The following NKAIN2 variants were observed in gnomAD, a reference collection of about 807,000 sequenced individuals.
NKAIN2 encodes sodium/potassium transporting ATPase interacting 2.
Under a neutral mutation model 32.6 loss-of-function variants are expected in NKAIN2, and 14 were observed. The ratio of observed to expected loss-of-function variants is 0.43; its 90% CI spans 0.28 to 0.67. The LOEUF (loss-of-function observed/expected upper bound fraction) is 0.67, where lower values mean the gene tolerates loss of function less well. Among genes scored for constraint, NKAIN2 ranks in the 30% least tolerant of loss-of-function variants. The pLI, the probability that NKAIN2 is intolerant of heterozygous loss-of-function variation, is 0.17. For missense variants in NKAIN2, 198 were observed against 258.3 expected (o/e 0.77, Z 1.60); for synonymous variants, 80 against 87.2 (o/e 0.92, Z 0.46).
intron 1 of NKAIN2, among the ~76,000 whole-genome samples, chr6:124,207,294 A>T (rs1224019061): frequency 6.6e-6 from 1 of 151,496 alleles, no homozygotes; most frequent in East Asian, 1.9e-4. Flanking sequence ...CCTGAGTCAA[A>T]AAAGAAATGA....
intron 1 of NKAIN2, among the ~76,000 whole-genome samples, chr6:123,985,874 G>A (rs988404703): frequency 3.9e-5 from 6 of 152,076 alleles, no homozygotes; most frequent in African/African-American, 9.7e-5. Flanking sequence ...ATGTAGAAAA[G>A]CAGAGACAAC....
intron 3 of NKAIN2, among the ~76,000 whole-genome samples, chr6:124,376,195 C>G (rs933307633): frequency 6.6e-6 from 1 of 152,096 alleles, no homozygotes; most frequent in Admixed American, 6.6e-5. Flanking sequence ...AATCACATAT[C>G]ATATCCACTT....
chr6:123,868,418 A>C (rs1408048850), intron 1 of NKAIN2, among the ~76,000 whole-genome samples: 2 of 152,170 alleles, frequency 1.3e-5, no homozygotes, highest in Admixed American at 1.3e-4. Flanking sequence ...CCATAAGAAG[A>C]GTTTTTGTAC....
chr6:124,061,073 C>T (rs1562335289), intron 1 of NKAIN2, among the ~76,000 whole-genome samples: 3 of 152,082 alleles, frequency 2.0e-5, no homozygotes, highest in Non-Finnish European at 4.4e-5. Context: ...GGGCTCCAAT[C>T]TCTGAGAGAC....
chr6:124,534,744 T>A (rs1388095812), intron 3 of NKAIN2, among the ~76,000 whole-genome samples: 1 of 152,278 alleles, frequency 6.6e-6, no homozygotes, highest in South Asian at 2.1e-4. Flanking sequence ...GCTAACTCCT[T>A]CATGAAGCTT....
At chr6:124,805,803 T>C (rs1780522253) in intron 5 of NKAIN2, among the ~76,000 whole-genome samples, 1 of 152,158 alleles carries the variant, frequency 6.6e-6, no homozygotes, top group Admixed American at 6.5e-5. Flanking sequence ...AAGGAGCTGA[T>C]GGAGCTGAAA....
At chr6:124,510,479 A>G (rs1778668252) in intron 3 of NKAIN2, among the ~76,000 whole-genome samples, 1 of 152,212 alleles carries the variant, frequency 6.6e-6, no homozygotes, top group Non-Finnish European at 1.5e-5. Flanking sequence ...TTTCTCATAA[A>G]TGTTAGTAAG....
At chr6:124,795,735 G>A (rs1363707907) in intron 5 of NKAIN2, among the ~76,000 whole-genome samples, 5 of 152,062 alleles carry the variant, frequency 3.3e-5, no homozygotes, top group African/African-American at 4.8e-5. Flanking sequence ...CCTTCTTGCT[G>A]TAGCCTCACA....
chr6:124,025,278 A>G (rs1781052488), intron 1 of NKAIN2, among the ~76,000 whole-genome samples: 1 of 152,106 alleles, frequency 6.6e-6, no homozygotes, highest in African/African-American at 2.4e-5. Context: ...TACTCAACTC[A>G]CAAATAGTGT....
intron 4 of NKAIN2, among the ~76,000 whole-genome samples, chr6:124,716,382 A>G (rs368212770): frequency 1.3e-5 from 2 of 152,212 alleles, no homozygotes; most frequent in South Asian, 2.1e-4. Context: ...AGACATCTGT[A>G]TCCAAGATGT....
At chr6:124,629,445 C>G (rs1203844717) in intron 3 of NKAIN2, among the ~76,000 whole-genome samples, 1 of 152,094 alleles carries the variant, frequency 6.6e-6, no homozygotes, top group Non-Finnish European at 1.5e-5. Context: ...AAAACTATTT[C>G]CCATCTAAAA....
intron 1 of NKAIN2, among the ~76,000 whole-genome samples, chr6:123,975,654 G>T (rs186201077): frequency 1.2e-3 from 186 of 152,196 alleles, no homozygotes; most frequent in Middle Eastern, 3.4e-3. Context: ...TGTCTGGTGA[G>T]GGCCAACTTC....
At chr6:124,369,010 T>C (rs1799636570) in intron 3 of NKAIN2, among the ~76,000 whole-genome samples, 1 of 152,326 alleles carries the variant, frequency 6.6e-6, no homozygotes. Context: ...ACAATGCTAA[T>C]TCTCTTTGAA....
intron 1 of NKAIN2, among the ~76,000 whole-genome samples, chr6:123,844,250 G>A (rs546284745): frequency 2.8e-4 from 42 of 152,318 alleles, no homozygotes; most frequent in East Asian, 1.9e-4. Flanking sequence ...GGAGGAAAGC[G>A]ATTCTGGCAG....
intron 1 of NKAIN2, among the ~76,000 whole-genome samples, chr6:123,934,631 A>G (rs1466726653): frequency 6.6e-6 from 1 of 152,086 alleles, no homozygotes; most frequent in Non-Finnish European, 1.5e-5. Context: ...TCTAAGAGTT[A>G]TGATAGTTCC....
rs78314020 is a variant in NKAIN2, at chr6:124,536,466, G to T, written c.274-121720G>T. Among the ~76,000 whole-genome samples the T allele has an allele frequency of 9.1e-3, 1,380 of 152,074 alleles. 21 individuals carry two copies. Among genetic ancestry groups the T allele is most frequent in the African/African-American group, 0.032 (1,322 of 41,456 alleles). On this transcript the variant is annotated intron_variant, in intron 3 of 6. Coordinates refer to ENST00000368417, the MANE Select transcript of NKAIN2 (RefSeq NM_001040214.3). ...GGATTTTCCACAGATGTTCTAGGGGGTCTCATGCCCTCAGTCTTTGCTACC... is the reference window on the plus strand; with the variant it reads ...GGATTTTCCACAGATGTTCTAGGGGTTCTCATGCCCTCAGTCTTTGCTACC...
chr6:124,503,744 C>T (rs1308269780), intron 3 of NKAIN2, among the ~76,000 whole-genome samples: 2 of 152,116 alleles, frequency 1.3e-5, no homozygotes, highest in Non-Finnish European at 2.9e-5. Context: ...TGCCAATGAG[C>T]ATTTTGCATT....
chr6:123,809,325 A>G (rs1301707416), intron 1 of NKAIN2, among the ~76,000 whole-genome samples: 1 of 111,020 alleles, frequency 9.0e-6, no homozygotes, highest in East Asian at 2.6e-4. Flanking sequence ...TCAAGATACA[A>G]TGTATGTAGG....
intron 1 of NKAIN2, among the ~76,000 whole-genome samples, chr6:123,947,967 A>G (rs1177940271): frequency 1.3e-5 from 2 of 152,052 alleles, no homozygotes; most frequent in Admixed American, 1.3e-4. Context: ...GTCTACCTCC[A>G]TGAAATCAAC....
Sources: gnomAD v4.1 joint callset for allele counts (sites outside exome capture counted in the v4.1 genomes callset) on GRCh38, gnomAD v4.1.1 for gene constraint, MANE v1.5 for transcripts, NCBI Gene and HGNC (gene_info 2026-07-23, HGNC 2026-07-21) for gene names.